The following CHD7 variants were observed in gnomAD, a reference collection of about 807,000 sequenced individuals.
CHD7 encodes the protein ATP-dependent chromatin remodeler CHD7.
In CHD7, 24 loss-of-function variants were observed where a neutral mutation model predicts 307.3. The observed-to-expected ratio is 0.08, with a 90% CI of 0.06 to 0.11. The LOEUF (loss-of-function observed/expected upper bound fraction) is 0.11, where lower values mean the gene tolerates loss of function less well. CHD7 is among the 10% of genes least tolerant of loss of function. The pLI, the probability that CHD7 is intolerant of heterozygous loss-of-function variation, is 1.00. For synonymous variants in CHD7, 1,363 were observed against 1,349.9 expected, an observed-to-expected ratio of 1.01 and a Z score of -0.21; for missense variants, 3,106 against 3,727.1, an observed-to-expected ratio of 0.83 and a Z score of 4.34.
At chr8:60,717,009 C>G (rs1807642548) in intron 1 of CHD7, among the ~76,000 whole-genome samples, 1 of 150,620 alleles carries the variant, frequency 6.6e-6, no homozygotes, top group Non-Finnish European at 1.5e-5. Flanking sequence ...ACATTTTTCC[C>G]CTCTTGTTAC....
chr8:60,708,674 C>T (rs1807129948), intron 1 of CHD7, among the ~76,000 whole-genome samples: 1 of 152,174 alleles, frequency 6.6e-6, no homozygotes, highest in Non-Finnish European at 1.5e-5. Context: ...TCTTCCATGC[C>T]TCTTGCTTTT....
chr8:60,784,026 A>G (rs879833361), intron 3 of CHD7, among the ~76,000 whole-genome samples: 1 of 152,208 alleles, frequency 6.6e-6, no homozygotes, highest in East Asian at 1.9e-4. Context: ...AGTATGTCGC[A>G]TTGTGGTCTC....
intron 12 of CHD7, among the ~76,000 whole-genome samples, chr8:60,823,016 A>G (rs1332341365): frequency 6.6e-6 from 1 of 152,212 alleles, no homozygotes; most frequent in African/African-American, 2.4e-5. Context: ...TAATGCTTTG[A>G]TATGTTAATT....
rs547208488 is a variant in CHD7 at position 60,846,210 on chromosome 8, C to G, written c.5210+801C>G. Among the ~76,000 whole-genome samples, 457 of 152,264 alleles carry G rather than the reference C, an allele frequency of 3.0e-3. 4 individuals are homozygous for G. The highest frequency in any genetic ancestry group is 7.0e-3 in the South Asian group (34 of 4,826). On this transcript the variant is annotated intron_variant, in intron 23 of 37. Coordinates refer to ENST00000423902, the MANE Select transcript of CHD7 (RefSeq NM_017780.4). Reference sequence around the variant, plus strand: ...CCAGTATCGGTTAGAGAATAGTAGTCAGCATTATATGATCCCACTTTCAAC... The same window carrying G: ...CCAGTATCGGTTAGAGAATAGTAGTGAGCATTATATGATCCCACTTTCAAC...
rs77973076 is a variant in CHD7 at position 60,825,696 on chromosome 8, A to G, written c.3378+1680A>G. 7.6e-3 allele frequency among the ~76,000 whole-genome samples: 1,160 copies of G among 152,350 alleles called. 19 individuals carry two copies. Among genetic ancestry groups the G allele is most frequent in the African/African-American group, 0.026 (1,079 of 41,574 alleles). On this transcript the variant is annotated intron_variant, in intron 13 of 37. Transcript: ENST00000423902. ...GTCACCATTTCCTGAAGGCTTAAAC[A>G]GTCATCTGACTGAACTTATCTGAGT...
chr8:60,847,700 A>G (rs560431417), intron 23 of CHD7, among the ~76,000 whole-genome samples: 12 of 152,354 alleles, frequency 7.9e-5, no homozygotes, highest in Middle Eastern at 3.4e-3. Flanking sequence ...TATTGAAAGA[A>G]TTATGTTTTC....
At chr8:60,680,409 G>A (rs1266827496) in intron 1 of CHD7, among the ~76,000 whole-genome samples, 7 of 101,218 alleles carry the variant, frequency 6.9e-5, no homozygotes, top group Non-Finnish European at 9.5e-5. Context: ...GGGGGGGGGG[G>A]GCGGGGGCGG....
chr8:60,817,191 C>T (rs532937169), intron 8 of CHD7, among the ~76,000 whole-genome samples: 1 of 152,326 alleles, frequency 6.6e-6, no homozygotes, highest in East Asian at 1.9e-4. Context: ...GTTTCACTTA[C>T]AGCCTCAAGT....
At chr8:60,714,180 C>CG (rs1489426437) in intron 1 of CHD7, among the ~76,000 whole-genome samples, 3 of 151,856 alleles carry the variant, frequency 2.0e-5, no homozygotes, top group Admixed American at 2.0e-4. Context: ...GCGGGCCCCC[C>CG]GGGGGGCGGG....
chr8:60,848,054 T>C (rs1805291744), intron 23 of CHD7, among the ~76,000 whole-genome samples: 1 of 152,242 alleles, frequency 6.6e-6, no homozygotes, highest in Non-Finnish European at 1.5e-5. Flanking sequence ...AACCAGATTT[T>C]ATATCTCATT....
chr8:60,703,851 TA>T (rs1285922823), intron 1 of CHD7, among the ~76,000 whole-genome samples: 4 of 152,234 alleles, frequency 2.6e-5, no homozygotes. Context: ...CGAAGTCAGA[TA>T]TAACTTCACT....
chr8:60,749,714 G>A (rs1430045723), intron 2 of CHD7, among the ~76,000 whole-genome samples: 1 of 152,110 alleles, frequency 6.6e-6, no homozygotes, highest in East Asian at 1.9e-4. Context: ...TGCCCCATCT[G>A]GTGCTCACAG....
chr8:60,846,330 G>A (rs1287140939), intron 23 of CHD7, among the ~76,000 whole-genome samples: 1 of 152,128 alleles, frequency 6.6e-6, no homozygotes, highest in Non-Finnish European at 1.5e-5. Context: ...CTGCCTGTGA[G>A]CTTGGAATCA....
At chr8:60,823,665 T>G (rs540426144) in intron 12 of CHD7, among the ~76,000 whole-genome samples, 175 bp from the exon 13 acceptor site, 3 of 152,320 alleles carry the variant, frequency 2.0e-5, no homozygotes, top group Admixed American at 6.5e-5. Flanking sequence ...GTTTTCCAAT[T>G]CTGTTTTACC....
intron 7 of CHD7, 46 bp from the exon 8 acceptor site, chr8:60,816,341 T>G: frequency 9.7e-7 from 1 of 1,031,986 alleles, no homozygotes; most frequent in South Asian, 1.5e-5. Context: ...TAATAAAGGA[T>G]TAATTATATT....
intron 4 of CHD7, among the ~76,000 whole-genome samples, chr8:60,797,372 AT>A (rs1812082868): frequency 6.6e-6 from 1 of 152,260 alleles, no homozygotes; most frequent in African/African-American, 2.4e-5. Context: ...TATTGCACAG[AT>A]TTATATCACA....
chr8:60,843,724 G>A (rs1460441540), intron 21 of CHD7, among the ~76,000 whole-genome samples: 5 of 152,336 alleles, frequency 3.3e-5, no homozygotes, highest in Middle Eastern at 3.4e-3. Flanking sequence ...GGAATGAAAG[G>A]AGGAATTCCA....
Position 60,838,156 on chromosome 8 carries a change from A to ACCC in CHD7, c.4434_4435insCCC (p.Glu1478_Gly1479insPro). ...GTGCACTCATGGATGAGGAGGATGA[A>ACCC]GGGTCTAAATTCTGTGAAGAAGATA... On this transcript the variant is annotated inframe_insertion, in exon 19 of 38. Coordinates refer to ENST00000423902, the MANE Select transcript of CHD7 (RefSeq NM_017780.4). 2 of 1,574,990 alleles carry ACCC rather than the reference A, an allele frequency of 1.3e-6. No individual in the cohort carries two copies. Among genetic ancestry groups the ACCC allele is most frequent in the Non-Finnish European group, 1.7e-6 (2 of 1,159,386 alleles).
In CHD7 at chr8:60,849,144, G is replaced by A; in HGVS notation, c.5394G>A (p.Val1798=). The change falls in exon 25 of 38, where the codon GTG becomes GTA. Residue 1798 remains valine, a synonymous_variant. Transcript: ENST00000423902. ...CAGACAAATCCCTCTTAATTGGAGTGTTCAAACATGGTAAGTGACGTTTCT... is the reference window on the plus strand; with the variant it reads ...CAGACAAATCCCTCTTAATTGGAGTATTCAAACATGGTAAGTGACGTTTCT... The part of the protein sequence containing the change: ...KEADKSLLIG[V]FKHGYEKYNS... The A allele has an allele frequency of 6.2e-7, 1 of 1,607,284 alleles. No homozygotes were observed. The highest frequency in any genetic ancestry group is 1.7e-5 in the Admixed American group (1 of 59,906).
Sources: allele counts gnomAD v4.1 joint callset (sites outside exome capture counted in the v4.1 genomes callset), GRCh38; gene constraint gnomAD v4.1.1; transcripts MANE v1.5; gene names NCBI Gene and HGNC (gene_info 2026-07-23, HGNC 2026-07-21).